Variants in FOXN2 observed in about 807,000 individuals in gnomAD.
FOXN2 encodes forkhead box protein N2.
A neutral mutation model predicts 41.2 loss-of-function variants in FOXN2; 19 were observed. That is an observed-to-expected ratio of 0.46 (90% CI 0.32 to 0.68). The LOEUF is 0.68. Ranked by LOEUF, FOXN2 falls within the 30% of genes least tolerant of loss-of-function variation. The pLI, the probability that FOXN2 is intolerant of heterozygous loss-of-function variation, is 0.03. For missense variants in FOXN2, 587 were observed against 509.4 expected, an observed-to-expected ratio of 1.15 and a Z score of -1.47; for synonymous variants, 195 against 176.8, an observed-to-expected ratio of 1.10 and a Z score of -0.82.
chr2:48,366,035 A>C lies in FOXN2; in HGVS notation c.703+3328A>C, dbSNP rs1008321337. ...TGGAGGTTCCTTGGGATATGCATAG[A>C]TGAGAGACCCAGGCCCTGCTCTTAG... On this transcript the variant is annotated intron_variant, in intron 5 of 6. Coordinates refer to ENST00000340553, the MANE Select transcript of FOXN2 (RefSeq NM_002158.4). Among the ~76,000 whole-genome samples the C allele has an allele frequency of 2.0e-5, 3 of 152,138 alleles. No individual in the cohort carries two copies. In the East Asian group the frequency reaches 5.8e-4, roughly 29 times the overall value.
At chr2:48,369,543 A>C (rs563840666) in intron 5 of FOXN2, among the ~76,000 whole-genome samples, 25 of 152,206 alleles carry the variant, frequency 1.6e-4, no homozygotes, top group Non-Finnish European at 3.1e-4. Flanking sequence ...CATCTCAAAA[A>C]AAAGAAGTCA....
At chr2:48,325,508 C>T (rs935923595) in intron 1 of FOXN2, among the ~76,000 whole-genome samples, 1 of 151,914 alleles carries the variant, frequency 6.6e-6, no homozygotes, top group Non-Finnish European at 1.5e-5. Context: ...ATGTAGATCT[C>T]ACATGTATGT....
chr2:48,321,484 C>T (rs919556518), intron 1 of FOXN2, among the ~76,000 whole-genome samples: 13 of 151,982 alleles, frequency 8.6e-5, no homozygotes, highest in Admixed American at 3.9e-4. Context: ...TGCAGTGAGC[C>T]GAGATTGCCC....
In FOXN2 at chr2:48,376,405, T is replaced by C. The variant is rs1172639238; in HGVS notation, c.*962T>C. ...CATTTTGAGTACTGATGGCATGTTA[T>C]CATACATAAAGTAGGTCATTTAGGA... On this transcript the variant is annotated 3_prime_UTR_variant, in exon 7 of 7. Coordinates refer to ENST00000340553, the MANE Select transcript of FOXN2 (RefSeq NM_002158.4). 2 of 152,216 alleles carry C rather than the reference T, an allele frequency of 1.3e-5. No individual in the cohort carries two copies. Among genetic ancestry groups the C allele is most frequent in the Admixed American group, 6.5e-5 (1 of 15,268 alleles). 9.4% of individuals were successfully genotyped at this position (152,216 alleles called of 1,614,324 possible).
At chr2:48,364,880 C>A (rs1276547151) in intron 5 of FOXN2, among the ~76,000 whole-genome samples, 1 of 152,164 alleles carries the variant, frequency 6.6e-6, no homozygotes, top group Admixed American at 6.5e-5. Context: ...ACCTTCTGAC[C>A]CTTTACTGAA....
At position 48,375,039 on chromosome 2, in the gene FOXN2, C is replaced by T. The variant is rs747005442; in HGVS notation, c.892C>T (p.Pro298Ser). 6.2e-7 allele frequency: 1 copy of T among 1,614,032 alleles called. No individual in the cohort carries two copies. The highest frequency in any genetic ancestry group is 1.1e-5 in the South Asian group (1 of 91,082). Residue 298 changes from proline to serine, a missense_variant, in exon 7 of 7, where the codon CCA becomes TCA. By Grantham distance (74) the Pro-to-Ser change is moderately conservative (BLOSUM62 -1). Coordinates refer to ENST00000340553, the MANE Select transcript of FOXN2 (RefSeq NM_002158.4). ...ESDSLATSID[P>S]KEDHNYSASS... ...TGATTCTTTAGCCACCAGCATTGAT[C>T]CAAAAGAAGATCACAATTACAGTGC...
intron 3 of FOXN2, among the ~76,000 whole-genome samples, chr2:48,354,384 G>A (rs1201255584): frequency 1.3e-5 from 2 of 152,138 alleles, no homozygotes; most frequent in East Asian, 1.9e-4. Context: ...GGCGGATCAC[G>A]AGGTCAAGAG....
intron 3 of FOXN2, among the ~76,000 whole-genome samples, 155 bp from the exon 4 acceptor site, chr2:48,358,892 T>A (rs913251145): frequency 2.6e-5 from 4 of 152,236 alleles, no homozygotes; most frequent in Admixed American, 6.5e-5. Flanking sequence ...TCCCTTTTAG[T>A]CACTACAGTG....
chr2:48,375,384 T>C lies in FOXN2; in HGVS notation c.1237T>C (p.Cys413Arg), dbSNP rs1312703972. 6.2e-7 allele frequency: 1 copy of C among 1,613,518 alleles called. No individual in the cohort carries two copies. The highest frequency in any genetic ancestry group is 1.3e-5 in the African/African-American group (1 of 74,908). ...GCTCCACCTTGCTGGAATTCGTACA[T>C]GTTTAGGTTCCCTAATAAGTACTGC... Reference protein sequence around the residue: ...SLLHLAGIRTCLGSLISTAKT... With the variant: ...SLLHLAGIRTRLGSLISTAKT... The change falls in exon 7 of 7, where the codon TGT becomes CGT. Residue 413 changes from cysteine to arginine, a missense_variant. Coordinates refer to ENST00000340553, the MANE Select transcript of FOXN2 (RefSeq NM_002158.4).
chr2:48,364,762 C>G (rs991788567), intron 5 of FOXN2, among the ~76,000 whole-genome samples: 5 of 152,182 alleles, frequency 3.3e-5, no homozygotes, highest in African/African-American at 4.8e-5. Context: ...TTGGAGAAAA[C>G]AAAATCAAAT....
At chr2:48,317,595 C>CTTTTTTTGTTTTT (rs1669007526) in intron 1 of FOXN2, among the ~76,000 whole-genome samples, 1 of 34,712 alleles carries the variant, frequency 2.9e-5, no homozygotes, top group Admixed American at 5.2e-4. Context: ...TATAGTATTG[C>CTTTTTTTGTTTTT]TTTTTTTTTT....
chr2:48,323,579 G>T (rs892010441), intron 1 of FOXN2, among the ~76,000 whole-genome samples: 1 of 152,084 alleles, frequency 6.6e-6, no homozygotes, highest in Non-Finnish European at 1.5e-5. Flanking sequence ...TGATAGAGTT[G>T]TGTTTTTCTT....
At chr2:48,315,698 A>C (rs562699689) in intron 1 of FOXN2, among the ~76,000 whole-genome samples, 1 of 152,066 alleles carries the variant, frequency 6.6e-6, no homozygotes, top group South Asian at 2.1e-4. Flanking sequence ...TCCGTGCTCC[A>C]TCCTCCACTA....
chr2:48,337,257 A>G lies in FOXN2; in HGVS notation c.-15+8555A>G, dbSNP rs1452909514. On this transcript the variant is annotated intron_variant, in intron 2 of 6. Transcript: ENST00000340553. ...GCTTATTTCACTTAACATGATCTCC[A>G]GTTCCATCCATGTTGTTGCATATGA... Among the ~76,000 whole-genome samples the G allele has an allele frequency of 4.0e-5, 6 of 150,872 alleles. No homozygotes were observed. In the East Asian group the frequency reaches 1.2e-3, roughly 29 times the overall value.
rs1279879169 is a variant in FOXN2 at position 48,321,430 on chromosome 2, G to T, written c.-157+6616G>T. On this transcript the variant is annotated intron_variant, in intron 1 of 6. Coordinates refer to ENST00000340553, the MANE Select transcript of FOXN2 (RefSeq NM_002158.4). ...GAGTGCCTGTAGTCCCAGCTACTCG[G>T]GAGGCTGAGGCAGGAGAATGGCCTG... is the stretch of plus-strand genomic sequence containing the variant. 7.2e-5 allele frequency among the ~76,000 whole-genome samples: 11 copies of T among 152,260 alleles called. No homozygotes were observed. The East Asian group carries it at 2.1e-3, about 29-fold the overall frequency.
chr2:48,362,438 G>A (rs1672250788), intron 4 of FOXN2, among the ~76,000 whole-genome samples: 2 of 152,220 alleles, frequency 1.3e-5, no homozygotes, highest in Non-Finnish European at 1.5e-5. Context: ...ACATGGTAGT[G>A]CATGCTTGTG....
At chr2:48,360,209 A>G (rs1310005123) in intron 4 of FOXN2, among the ~76,000 whole-genome samples, 1 of 151,948 alleles carries the variant, frequency 6.6e-6, no homozygotes, top group African/African-American at 2.4e-5. Context: ...TCTAAAGAAG[A>G]CTTTAGAGTC....
Position 48,344,840 on chromosome 2 carries a change from A to ACCC in FOXN2, c.-14-1351_-14-1349dup, listed in dbSNP as rs35784840. 1.2e-3 allele frequency among the ~76,000 whole-genome samples: 159 copies of ACCC among 129,178 alleles called. 5 individuals carry two copies. The highest frequency in any genetic ancestry group is 1.9e-3 in the African/African-American group (65 of 33,992). The allele number at this position is 129,178 out of a possible 152,430, so 84.7% of individuals were successfully genotyped here. Reference sequence around the variant, plus strand: ...CTTAAGCAAAACAAACTCTGGAGGTACCCCCCCCCCCCAATTATTTCAGTT... The same window carrying ACCC: ...CTTAAGCAAAACAAACTCTGGAGGTACCCCCCCCCCCCCCCAATTATTTCAGTT... On this transcript the variant is annotated intron_variant, in intron 2 of 6. Coordinates refer to ENST00000340553, the MANE Select transcript of FOXN2 (RefSeq NM_002158.4).
Position 48,376,042 on chromosome 2 carries a change from G to C in FOXN2, c.*599G>C, listed in dbSNP as rs1467330120. 6.6e-6 allele frequency: 1 copy of C among 152,074 alleles called. No homozygotes were observed. The highest frequency in any genetic ancestry group is 6.6e-5 in the Admixed American group (1 of 15,252). 9.4% of individuals were successfully genotyped at this position (152,074 alleles called of 1,614,324 possible). On this transcript the variant is annotated 3_prime_UTR_variant, in exon 7 of 7. Coordinates refer to ENST00000340553, the MANE Select transcript of FOXN2 (RefSeq NM_002158.4). ...TTACGTAGGTAGAGAATACAACAAAGAGTTCTAAGACTTAGAAAAGACAAT... is the reference window on the plus strand; with the variant it reads ...TTACGTAGGTAGAGAATACAACAAACAGTTCTAAGACTTAGAAAAGACAAT...
Sources: gnomAD v4.1 joint callset for allele counts (sites outside exome capture counted in the v4.1 genomes callset) on GRCh38, gnomAD v4.1.1 for gene constraint, MANE v1.5 for transcripts, NCBI Gene and HGNC (gene_info 2026-07-23, HGNC 2026-07-21) for gene names.